Variants in TANK observed in about 807,000 individuals in gnomAD.
TANK encodes the protein TRAF family member associated NFKB activator.
A neutral mutation model predicts 43.6 loss-of-function variants in TANK; 15 were observed. The observed-to-expected ratio is 0.34, with a 90% CI of 0.23 to 0.53. TANK has a LOEUF of 0.53. TANK is among the 20% of genes least tolerant of loss of function. TANK has a pLI of 0.94. For missense variants in TANK, 417 were observed against 498.6 expected (o/e 0.84, Z 1.56); for synonymous variants, 162 against 178.2 (o/e 0.91, Z 0.73).
rs147243892 is a variant in TANK at position 161,177,717 on chromosome 2, C to T, written c.-49-1897C>T. Among the ~76,000 whole-genome samples, 286 of 152,120 alleles carry T rather than the reference C, an allele frequency of 1.9e-3. 1 individual carries two copies. The highest frequency in any genetic ancestry group is 6.6e-3 in the African/African-American group (274 of 41,530). On this transcript the variant is annotated intron_variant, in intron 1 of 7. Coordinates refer to ENST00000392749, the MANE Select transcript of TANK (RefSeq NM_001199135.3). Reference sequence around the variant, plus strand: ...ATTAAAGACATTGTGTGTCAGAGGACACTATCAAGAAGTGAAAAGGCATCT... The same window carrying T: ...ATTAAAGACATTGTGTGTCAGAGGATACTATCAAGAAGTGAAAAGGCATCT...
Position 161,224,657 on chromosome 2 carries a change from A to G in TANK, c.431A>G (p.Asp144Gly). The change falls in exon 6 of 8, where the codon GAT becomes GGT. Residue 144 changes from aspartate to glycine, a missense_variant. Coordinates refer to ENST00000392749, the MANE Select transcript of TANK (RefSeq NM_001199135.3). ...ERGNIEKTFW[D>G]LKEEFHKICM... ...GGTAATATAGAGAAGACTTTCTGGG[A>G]TCTGAAAGAAGAATTTCATAAAATA... 6.3e-7 allele frequency: 1 copy of G among 1,583,324 alleles called. No homozygotes were observed. Among genetic ancestry groups the G allele is most frequent in the Non-Finnish European group, 8.6e-7 (1 of 1,163,900 alleles).
chr2:161,174,335 T>G (rs995756110), intron 1 of TANK, among the ~76,000 whole-genome samples: 2 of 152,174 alleles, frequency 1.3e-5, no homozygotes, highest in Admixed American at 6.5e-5. Context: ...ACAGTATTAC[T>G]TGTAATCACA....
intron 2 of TANK, among the ~76,000 whole-genome samples, chr2:161,196,111 A>G (rs1686135842): frequency 6.6e-6 from 1 of 152,158 alleles, no homozygotes; most frequent in Non-Finnish European, 1.5e-5. Flanking sequence ...GATAAATAAA[A>G]TTGATACTTG....
intron 2 of TANK, among the ~76,000 whole-genome samples, chr2:161,187,513 C>G (rs1466050993): frequency 2.0e-5 from 3 of 152,094 alleles, no homozygotes; most frequent in Non-Finnish European, 4.4e-5. Context: ...GTTTATCAAG[C>G]AAATATTAAC....
chr2:161,191,221 A>T (rs114210983), intron 2 of TANK, among the ~76,000 whole-genome samples: 1,755 of 152,328 alleles, frequency 0.012, 38 homozygotes, highest in African/African-American at 0.04. Flanking sequence ...GGAGGTAAAG[A>T]CAAAACAGAT....
chr2:161,160,753 G>T, intron 1 of TANK: 1 of 567,594 alleles, frequency 1.8e-6, no homozygotes, highest in South Asian at 1.6e-5. Flanking sequence ...TGCCCCAACG[G>T]CTTCAAGGGA....
In TANK at chr2:161,150,054, T is replaced by C. The variant is rs1311836077; in HGVS notation, c.-50+12991T>C. ...ATTTTTTTTCTAGCAGTTTGAAAAT[T>C]TGGTGTTATTTAAGTGCATGGTAGA... On this transcript the variant is annotated intron_variant, in intron 1 of 7. Coordinates refer to the TANK transcript ENST00000259075. Among the ~76,000 whole-genome samples the C allele has an allele frequency of 4.6e-5, 7 of 152,152 alleles. 1 individual carries two copies. The highest frequency in any genetic ancestry group is 4.1e-4 in the South Asian group (2 of 4,828).
intron 1 of TANK, among the ~76,000 whole-genome samples, chr2:161,172,229 G>A (rs963041453): frequency 2.6e-4 from 39 of 152,032 alleles, no homozygotes; most frequent in African/African-American, 8.9e-4. Context: ...AATAATAAGT[G>A]GGCCTGTCCT....
chr2:161,181,389 C>T (rs1347717142), intron 2 of TANK, among the ~76,000 whole-genome samples: 3 of 152,086 alleles, frequency 2.0e-5, no homozygotes, highest in Non-Finnish European at 4.4e-5. Flanking sequence ...CATTGCACAC[C>T]AGCCTGGGTA....
intron 6 of TANK, 39 bp from the exon 7 acceptor site, chr2:161,230,932 G>T: frequency 6.8e-7 from 1 of 1,480,604 alleles, no homozygotes; most frequent in Non-Finnish European, 9.4e-7. Context: ...TTAATGATTT[G>T]AATGCGGCTG....
rs927041939 is a variant in TANK at position 161,196,582 on chromosome 2, C to T, written c.100-6905C>T. ...AAAATTGATACTTGGGGGCCAGGCGCGGTGGCTCACACCTGTAATCCCAGC... is the reference window on the plus strand; with the variant it reads ...AAAATTGATACTTGGGGGCCAGGCGTGGTGGCTCACACCTGTAATCCCAGC... On this transcript the variant is annotated intron_variant, in intron 2 of 7. Coordinates refer to ENST00000392749, the MANE Select transcript of TANK (RefSeq NM_001199135.3). Among the ~76,000 whole-genome samples, 11 of 152,208 alleles carry T rather than the reference C, an allele frequency of 7.2e-5. No homozygotes were observed. In the South Asian group the frequency reaches 1.0e-3, roughly 14 times the overall value.
chr2:161,139,907 T>C, intron 1 of TANK: 1 of 982,856 alleles, frequency 1.0e-6, no homozygotes, highest in Non-Finnish European at 1.2e-6. Flanking sequence ...AAGCAAAATG[T>C]GTGTCCAAAT....
At chr2:161,170,279 AACATT>A (rs1377080176) in intron 1 of TANK, among the ~76,000 whole-genome samples, 1 of 152,130 alleles carries the variant, frequency 6.6e-6, no homozygotes, top group African/African-American at 2.4e-5. Context: ...TAATAGAGAA[AACATT>A]TGTTTTCTCT....
intron 3 of TANK, among the ~76,000 whole-genome samples, 171 bp downstream of exon 3, chr2:161,203,766 A>G (rs1686522554): frequency 6.6e-6 from 1 of 152,172 alleles, no homozygotes; most frequent in Admixed American, 6.5e-5. Context: ...GGATATGGGA[A>G]AGTGGACTTT....
intron 6 of TANK, among the ~76,000 whole-genome samples, chr2:161,225,484 T>TAGTATGTTG: frequency 6.6e-6 from 1 of 152,344 alleles, no homozygotes; most frequent in African/African-American, 2.4e-5. Flanking sequence ...ATAGTATGTT[T>TAGTATGTTG]TGTAAATGCT....
At chr2:161,167,653 C>G (rs954198482) in intron 1 of TANK, among the ~76,000 whole-genome samples, 20 of 151,946 alleles carry the variant, frequency 1.3e-4, no homozygotes, top group African/African-American at 4.4e-4. Context: ...GATGGAGTCT[C>G]TCTCTGTCAC....
chr2:161,166,248 A>G (rs1168750528), intron 1 of TANK, among the ~76,000 whole-genome samples: 4 of 152,246 alleles, frequency 2.6e-5, no homozygotes, highest in Non-Finnish European at 5.9e-5. Flanking sequence ...TTTCTATTAT[A>G]TCAGCTGCCT....
chr2:161,148,159 A>G (rs945656315), intron 1 of TANK, among the ~76,000 whole-genome samples: 3 of 152,164 alleles, frequency 2.0e-5, no homozygotes, highest in Non-Finnish European at 2.9e-5. Flanking sequence ...TAAGGCTTCC[A>G]ATTTTTCCAC....
At chr2:161,161,044 G>A (rs899126812) in intron 1 of TANK, 1 of 574,300 alleles carries the variant, frequency 1.7e-6, no homozygotes, top group African/African-American at 1.9e-5. Context: ...CGGAGGGAGT[G>A]GGTGGCCAAG....
Sources: allele counts gnomAD v4.1 joint callset (sites outside exome capture counted in the v4.1 genomes callset), GRCh38; gene constraint gnomAD v4.1.1; transcripts MANE v1.5; gene names NCBI Gene and HGNC (gene_info 2026-07-23, HGNC 2026-07-21).